Variants in DLG2 observed in about 807,000 individuals in gnomAD.
DLG2 encodes disks large homolog 2.
Under a neutral mutation model 132.5 loss-of-function variants are expected in DLG2, and 45 were observed. That is an observed-to-expected ratio of 0.34 (90% CI 0.27 to 0.44). The LOEUF is 0.44. DLG2 is among the 20% of genes least tolerant of loss of function. The probability of loss-of-function intolerance (pLI) is 1.00; values close to 1 mark genes in which losing one functional copy is unlikely to be tolerated. For synonymous variants in DLG2, 424 were observed against 419.6 expected (o/e 1.01, Z -0.13); for missense variants, 1,045 against 1,196.9 (o/e 0.87, Z 1.87).
intron 7 of DLG2, among the ~76,000 whole-genome samples, chr11:84,448,827 C>T (rs939347361): frequency 2.0e-5 from 3 of 151,962 alleles, no homozygotes; most frequent in East Asian, 1.9e-4. Flanking sequence ...TTCGTATCCT[C>T]GGAGACCTAC....
In DLG2 at chr11:84,805,796, CA is replaced by C. The variant is rs1253854939; in HGVS notation, c.358-271066del. On this transcript the variant is annotated intron_variant, in intron 6 of 27. Transcript: ENST00000376104. ...CCTGCAGAACCATGAGACATTCAAACATTTTTTTTTAAATAAATTACCAAGT... is the reference window on the plus strand; with the variant it reads ...CCTGCAGAACCATGAGACATTCAAACTTTTTTTTTAAATAAATTACCAAGT... 3.3e-5 allele frequency among the ~76,000 whole-genome samples: 5 copies of C among 151,848 alleles called. No homozygotes were observed. In the East Asian group the frequency reaches 7.7e-4, roughly 23 times the overall value.
At chr11:85,519,658 G>A (rs982166397) in intron 3 of DLG2, among the ~76,000 whole-genome samples, 1 of 152,200 alleles carries the variant, frequency 6.6e-6, no homozygotes, top group Admixed American at 6.5e-5. Context: ...GGGAAGGCAT[G>A]ACTGGTTTTG....
intron 15 of DLG2, among the ~76,000 whole-genome samples, chr11:83,893,802 C>A (rs2070728213): frequency 6.6e-6 from 1 of 152,134 alleles, no homozygotes; most frequent in Non-Finnish European, 1.5e-5. Flanking sequence ...GTGTACCTTG[C>A]AGAAGTAATG....
chr11:83,695,351 A>G (rs192165640), intron 18 of DLG2, among the ~76,000 whole-genome samples: 1 of 152,230 alleles, frequency 6.6e-6, no homozygotes, highest in Non-Finnish European at 1.5e-5. Context: ...TGTTACCGCT[A>G]TTAAGATAGA....
At chr11:84,340,329 T>A (rs1008259540) in intron 7 of DLG2, among the ~76,000 whole-genome samples, 1 of 152,154 alleles carries the variant, frequency 6.6e-6, no homozygotes, top group African/African-American at 2.4e-5. Flanking sequence ...TGTATTTTTT[T>A]AAATTGAATT....
intron 3 of DLG2, among the ~76,000 whole-genome samples, chr11:85,459,327 G>A (rs1220919301): frequency 6.6e-6 from 1 of 152,132 alleles, no homozygotes; most frequent in Non-Finnish European, 1.5e-5. Flanking sequence ...GAGGAGTGGG[G>A]GTTCGAGTGC....
intron 3 of DLG2, among the ~76,000 whole-genome samples, chr11:85,365,993 G>T (rs564560296): frequency 7.2e-5 from 11 of 152,200 alleles, no homozygotes; most frequent in Non-Finnish European, 1.3e-4. Context: ...AGGTTGATGG[G>T]TGCAGCAAAC....
At chr11:84,406,598 C>T (rs1430182627) in intron 7 of DLG2, among the ~76,000 whole-genome samples, 1 of 152,188 alleles carries the variant, frequency 6.6e-6, no homozygotes, top group African/African-American at 2.4e-5. Flanking sequence ...CCTTGGCTTC[C>T]CAAAGTGCTG....
At chr11:85,453,176 A>G in intron 3 of DLG2, 1 of 320,466 alleles carries the variant, frequency 3.1e-6, no homozygotes, top group Admixed American at 3.8e-5. Context: ...TGATAGCATC[A>G]TTTGGGTACA....
chr11:84,725,766 T>C (rs1383374660), intron 6 of DLG2, among the ~76,000 whole-genome samples: 1 of 152,178 alleles, frequency 6.6e-6, no homozygotes, highest in African/African-American at 2.4e-5. Context: ...AGATAACATA[T>C]TGCAAAATGC....
intron 14 of DLG2, among the ~76,000 whole-genome samples, chr11:83,937,526 A>AAG (rs1555186166): frequency 2.7e-5 from 4 of 150,336 alleles, no homozygotes; most frequent in African/African-American, 1.0e-4. Flanking sequence ...AAAAAAAAAA[A>AAG]AAAATTGAAA....
chr11:85,295,589 C>T (rs867672902), intron 3 of DLG2, among the ~76,000 whole-genome samples: 2 of 152,136 alleles, frequency 1.3e-5, no homozygotes, highest in Non-Finnish European at 1.5e-5. Flanking sequence ...ACACTTAAGC[C>T]TAAACCCTTT....
chr11:83,462,259 A>G (rs1242700980), intron 26 of DLG2, 166 bp from the exon 27 acceptor site: 1 of 565,710 alleles, frequency 1.8e-6, no homozygotes, highest in Admixed American at 3.0e-5. Flanking sequence ...TTCAGCAACA[A>G]GGACTCACGG....
At chr11:84,721,818 G>C (rs768758326) in intron 6 of DLG2, among the ~76,000 whole-genome samples, 1 of 152,174 alleles carries the variant, frequency 6.6e-6, no homozygotes, top group Non-Finnish European at 1.5e-5. Context: ...TTGCTTACCT[G>C]TAACTAGATG....
intron 21 of DLG2, among the ~76,000 whole-genome samples, chr11:83,528,001 C>T (rs1329801800): frequency 3.3e-5 from 5 of 152,108 alleles, no homozygotes; most frequent in Non-Finnish European, 7.4e-5. Flanking sequence ...TAAGTTTTCA[C>T]CAGAGGCTGG....
At chr11:84,699,877 G>T (rs898870123) in intron 6 of DLG2, among the ~76,000 whole-genome samples, 1 of 151,604 alleles carries the variant, frequency 6.6e-6, no homozygotes, top group Non-Finnish European at 1.5e-5. Context: ...CTATGTTTGG[G>T]AAAGTGCATG....
intron 7 of DLG2, among the ~76,000 whole-genome samples, chr11:84,295,001 T>C (rs2098069295): frequency 2.0e-5 from 3 of 152,208 alleles, no homozygotes; most frequent in Non-Finnish European, 2.9e-5. Context: ...TCATTAAACA[T>C]ATTAAATTTC....
intron 6 of DLG2, among the ~76,000 whole-genome samples, chr11:84,535,441 ACTT>A (rs1472463748): frequency 5.3e-5 from 8 of 152,144 alleles, no homozygotes; most frequent in Non-Finnish European, 1.2e-4. Context: ...AGAGGTAAAT[ACTT>A]CTTCTCTCTT....
At chr11:84,476,324 TAAAC>T (rs1347176938) in intron 7 of DLG2, among the ~76,000 whole-genome samples, 9 of 152,240 alleles carry the variant, frequency 5.9e-5, no homozygotes, top group South Asian at 2.1e-4. Context: ...AAATCTATAA[TAAAC>T]AAACAAATAC....
Sources: gnomAD v4.1 joint callset for allele counts (sites outside exome capture counted in the v4.1 genomes callset) on GRCh38, gnomAD v4.1.1 for gene constraint, MANE v1.5 for transcripts, NCBI Gene and HGNC (gene_info 2026-07-23, HGNC 2026-07-21) for gene names.